Variants in UROC1 observed in about 807,000 individuals in gnomAD.
UROC1 encodes the protein urocanate hydratase 1.
UROC1 carries 79 observed loss-of-function variants against 89.5 expected under a neutral mutation model. The ratio of observed to expected loss-of-function variants is 0.88; its 90% CI spans 0.74 to 1.06. The LOEUF (loss-of-function observed/expected upper bound fraction) is 1.06. UROC1 is among the 50% of genes least tolerant of loss of function. The pLI is 0.00. For missense variants in UROC1, 885 were observed against 907.8 expected (o/e 0.97, Z 0.32); for synonymous variants, 361 against 354.8 (o/e 1.02, Z -0.20).
rs1687477 is a variant in UROC1, at chr3:126,483,414, G to A, written c.1845C>T (p.Ala615=). 816,257 of 1,613,264 alleles carry A rather than the reference G, an allele frequency of 0.51. 211,071 individuals carry two copies. Among genetic ancestry groups the A allele is most frequent in the Non-Finnish European group, 0.53 (628,456 of 1,179,830 alleles). The change falls in exon 19 of 20, where the codon GCC becomes GCT. Residue 615 remains alanine, a synonymous_variant. Transcript: ENST00000290868. ...TGAGCATCAGCCTGGCTCTCCCCTC[G>A]GCCTCCGGGGTACCGTCCAGCACGA... The part of the protein sequence containing the change: ...FGLVLDGTPE[A]EGRARLMLSW...
In UROC1 at chr3:126,504,077, T is replaced by G; in HGVS notation, c.820A>C (p.Lys274Gln). Residue 274 changes from lysine (K) to glutamine (Q), a missense_variant, in exon 9 of 20, where the codon AAA becomes CAA. Physicochemically the swap from Lys to Gln is moderately conservative, Grantham distance 53. Coordinates refer to ENST00000290868, the MANE Select transcript of UROC1 (RefSeq NM_144639.3). The part of the protein sequence containing the change: ...GCIGVIAEVD[K>Q]AALEKRHRQG... ...CTGTGGCGTTTCTCAAGGGCTGCTT[T>G]ATCCACCTGGGGCCATGAGACATGG... 1 of 1,614,042 alleles carries G rather than the reference T, an allele frequency of 6.2e-7. No individual in the cohort carries two copies. The highest frequency in any genetic ancestry group is 1.3e-5 in the African/African-American group (1 of 74,946).
intron 10 of UROC1, 145 bp from the exon 11 acceptor site, chr3:126,501,019 A>G: frequency 7.4e-7 from 1 of 1,353,796 alleles, no homozygotes; most frequent in Non-Finnish European, 1.0e-6. Flanking sequence ...TCCCCCTGGA[A>G]AGAGAACCTA....
chr3:126,493,753 T>A (rs1009827187), intron 15 of UROC1, among the ~76,000 whole-genome samples: 4 of 152,246 alleles, frequency 2.6e-5, no homozygotes, highest in African/African-American at 9.6e-5. Context: ...TACGTTTATG[T>A]ATAATTTACC....
At chr3:126,483,299 C>G in intron 19 of UROC1, 70 bp downstream of exon 19, 1 of 1,433,244 alleles carries the variant, frequency 7.0e-7, no homozygotes, top group Non-Finnish European at 9.7e-7. Flanking sequence ...TGTATGACAG[C>G]AAACGTGGAT....
chr3:126,490,052 C>T (rs1461741457), intron 16 of UROC1, among the ~76,000 whole-genome samples: 1 of 152,086 alleles, frequency 6.6e-6, no homozygotes, highest in Non-Finnish European at 1.5e-5. Flanking sequence ...TTTGGCAGTA[C>T]CTACCATGAG....
rs1038151162 is a variant in UROC1, at chr3:126,496,081, A to G, written c.1466T>C (p.Met489Thr). Residue 489 changes from methionine to threonine, a missense_variant, in exon 15 of 20, where the codon ATG (methionine) becomes ACG (threonine). Coordinates refer to ENST00000290868, the MANE Select transcript of UROC1 (RefSeq NM_144639.3). The part of the protein sequence containing the change: ...GVKVSVKLQY[M>T]DNIRWIREAA... ...CTCCCGGATCCAGCGGATGTTGTCCATGTACTGCAGCTTCACAGACACCTT... is the reference window on the plus strand; with the variant it reads ...CTCCCGGATCCAGCGGATGTTGTCCGTGTACTGCAGCTTCACAGACACCTT... 6.2e-7 allele frequency: 1 copy of G among 1,613,416 alleles called. No homozygotes were observed. Among genetic ancestry groups the G allele is most frequent in the Non-Finnish European group, 8.5e-7 (1 of 1,179,992 alleles).
At chr3:126,507,639 G>T in intron 6 of UROC1, 103 bp downstream of exon 6, 2 of 1,196,282 alleles carry the variant, frequency 1.7e-6, no homozygotes, top group Non-Finnish European at 2.5e-6. Context: ...ACAGTTCTGT[G>T]ACTATGTCTT....
Position 126,499,382 on chromosome 3 carries a change from C to A in UROC1, c.1271G>T (p.Gly424Val), listed in dbSNP as rs1935860100. The A allele has an allele frequency of 8.1e-6, 13 of 1,612,706 alleles. No homozygotes were observed. The highest frequency in any genetic ancestry group is 1.3e-5 in the African/African-American group (1 of 74,616). The change falls in exon 13 of 20, where the codon GGC becomes GTC. Residue 424 changes from glycine to valine, a missense_variant. By Grantham distance (109) the Gly-to-Val change is moderately radical (BLOSUM62 -3). Coordinates refer to ENST00000290868, the MANE Select transcript of UROC1 (RefSeq NM_144639.3). ...GGAAGGGTAGCGGAACTCTGTCCTG[C>A]CAGCACCTTTCTTCTCCACATCCGC... ...AGADVEKKGAGRTEFRYPSYV... is the reference protein window; with the variant it reads ...AGADVEKKGAVRTEFRYPSYV...
At chr3:126,482,524 A>G (rs1935412694) in intron 19 of UROC1, 39 bp from the exon 20 acceptor site, 1 of 1,613,252 alleles carries the variant, frequency 6.2e-7, no homozygotes, top group African/African-American at 1.3e-5. Context: ...TGTCAACATA[A>G]CCGGGCTCCC....
At chr3:126,493,128 T>C (rs1935691380) in intron 15 of UROC1, among the ~76,000 whole-genome samples, 1 of 152,124 alleles carries the variant, frequency 6.6e-6, no homozygotes, top group Non-Finnish European at 1.5e-5. Flanking sequence ...TAATGGGTGG[T>C]TGTCCCCGGG....
At position 126,502,070 on chromosome 3, in the gene UROC1, A is replaced by ATG. The variant is rs149748177; in HGVS notation, c.903-792_903-791dup. The ATG allele has an allele frequency of 3.0e-5, 28 of 945,870 alleles. No homozygotes were observed. The African/African-American group carries it at 3.6e-4, about 12-fold the overall frequency. The allele number at this position is 945,870 out of a possible 1,614,324, so 58.6% of individuals were successfully genotyped here. On this transcript the variant is annotated intron_variant, in intron 9 of 19. Coordinates refer to ENST00000290868, the MANE Select transcript of UROC1 (RefSeq NM_144639.3). ...CTTAAACTGATTTTGATGTATGTGT[A>ATG]TGTGTGTGTGTTCATGTGTGGATGT...
intron 16 of UROC1, 141 bp from the exon 17 acceptor site, chr3:126,489,516 G>C (rs1025095473): frequency 2.5e-5 from 18 of 714,588 alleles, no homozygotes; most frequent in Non-Finnish European, 4.5e-5. Context: ...AACTATTTCT[G>C]ATGTCATCTG....
intron 12 of UROC1, among the ~76,000 whole-genome samples, chr3:126,499,803 G>A (rs1393125118): frequency 6.6e-6 from 1 of 152,228 alleles, no homozygotes; most frequent in African/African-American, 2.4e-5. Context: ...GCTTGCACCT[G>A]AGTCTTGTAC....
rs752566871 is a variant in UROC1 at position 126,501,309 on chromosome 3, C to T, written c.903-29G>A. ...GAAGGACACAAAAGCAGAACAGGTG[C>T]CCCCTGCACCTGTGCATAGGTGCCC... On this transcript the variant is annotated intron_variant, in intron 9 of 19. Coordinates refer to ENST00000290868, the MANE Select transcript of UROC1 (RefSeq NM_144639.3). The T allele has an allele frequency of 7.3e-5, 117 of 1,613,316 alleles. No individual in the cohort carries two copies. In the Admixed American group the frequency reaches 1.7e-3, roughly 23 times the overall value.
intron 4 of UROC1, 88 bp from the exon 5 acceptor site, chr3:126,508,183 C>A: frequency 6.2e-7 from 1 of 1,607,702 alleles, no homozygotes; most frequent in Non-Finnish European, 8.5e-7. Flanking sequence ...CTGGACAGCT[C>A]CCACAGGCCC....
At chr3:126,514,326 G>A (rs570602309) in intron 1 of UROC1, among the ~76,000 whole-genome samples, 1 of 152,350 alleles carries the variant, frequency 6.6e-6, no homozygotes, top group African/African-American at 2.4e-5. Flanking sequence ...CGCTGTGGGT[G>A]GGGTCGATTT....
At position 126,482,039 on chromosome 3, in the gene UROC1, T is replaced by C. The variant is rs891961204; in HGVS notation, c.*306A>G. 2.3e-6 allele frequency: 1 copy of C among 431,474 alleles called. No homozygotes were observed. Among genetic ancestry groups the C allele is most frequent in the African/African-American group, 2.0e-5 (1 of 50,132 alleles). The allele number at this position is 431,474 out of a possible 1,614,324, so 26.7% of individuals were successfully genotyped here. On this transcript the variant is annotated 3_prime_UTR_variant, in exon 20 of 20. Coordinates refer to ENST00000290868, the MANE Select transcript of UROC1 (RefSeq NM_144639.3). Reference sequence around the variant, plus strand: ...TGTGATCATCCCAGCCGGAGAGAGCTTGACCAGTGTTCACCGCAGGGCCCC... The same window carrying C: ...TGTGATCATCCCAGCCGGAGAGAGCCTGACCAGTGTTCACCGCAGGGCCCC...
chr3:126,510,317 A>G (rs900733496), intron 2 of UROC1, among the ~76,000 whole-genome samples: 59 of 152,258 alleles, frequency 3.9e-4, no homozygotes, highest in African/African-American at 1.4e-3. Context: ...AGCTCCCCAA[A>G]GCTCTCCCTG....
At chr3:126,492,579 G>T in intron 15 of UROC1, 63 bp from the exon 16 acceptor site, 2 of 1,338,120 alleles carry the variant, frequency 1.5e-6, no homozygotes, top group Non-Finnish European at 1.0e-6. Flanking sequence ...GACCTGGGGT[G>T]CAGGGAGACA....
Sources: gnomAD v4.1 joint callset for allele counts (sites outside exome capture counted in the v4.1 genomes callset) on GRCh38, gnomAD v4.1.1 for gene constraint, MANE v1.5 for transcripts, NCBI Gene and HGNC (gene_info 2026-07-23, HGNC 2026-07-21) for gene names.